CNTNAP5: variants seen among roughly 807,000 people sequenced by gnomAD.
The protein encoded by CNTNAP5 is contactin associated protein family member 5, also known as contactin-associated protein-like 5.
A neutral mutation model predicts 150.2 loss-of-function variants in CNTNAP5; 72 were observed. The ratio of observed to expected loss-of-function variants is 0.48; its 90% CI spans 0.40 to 0.58. CNTNAP5 has a LOEUF of 0.58. CNTNAP5 is among the 20% of genes least tolerant of loss of function. The probability of loss-of-function intolerance (pLI) is 0.00; values close to 1 mark genes in which losing one functional copy is unlikely to be tolerated. For missense variants in CNTNAP5, 1,636 were observed against 1,626.2 expected, an observed-to-expected ratio of 1.01 and a Z score of -0.10; for synonymous variants, 672 against 619.8, an observed-to-expected ratio of 1.08 and a Z score of -1.25.
chr2:124,433,054 C>A (rs985709073), intron 4 of CNTNAP5, among the ~76,000 whole-genome samples: 1 of 152,164 alleles, frequency 6.6e-6, no homozygotes, highest in Non-Finnish European at 1.5e-5. Flanking sequence ...ATACAATCAC[C>A]TTAGACCAAG....
chr2:124,160,540 G>A (rs1337529023), intron 1 of CNTNAP5, among the ~76,000 whole-genome samples: 1 of 148,354 alleles, frequency 6.7e-6, no homozygotes, highest in Non-Finnish European at 1.5e-5. Flanking sequence ...TTTTTTTAAA[G>A]TTAAGAGCAA....
At chr2:124,441,659 T>C (rs925317552) in intron 5 of CNTNAP5, among the ~76,000 whole-genome samples, 2 of 152,032 alleles carry the variant, frequency 1.3e-5, no homozygotes, top group Non-Finnish European at 2.9e-5. Context: ...ATACTTCATC[T>C]GGTGAGTCTA....
intron 12 of CNTNAP5, among the ~76,000 whole-genome samples, chr2:124,625,526 G>T (rs916743846): frequency 1.3e-5 from 2 of 152,146 alleles, no homozygotes; most frequent in African/African-American, 4.8e-5. Context: ...TGGACTTTGG[G>T]ATATATCTAT....
intron 3 of CNTNAP5, among the ~76,000 whole-genome samples, chr2:124,341,882 T>C (rs928496123): frequency 1.3e-5 from 2 of 152,126 alleles, no homozygotes; most frequent in African/African-American, 4.8e-5. Context: ...CTGACCAGTT[T>C]TGTCTTGTAG....
intron 1 of CNTNAP5, among the ~76,000 whole-genome samples, chr2:124,040,828 G>T (rs563000282): frequency 6.6e-6 from 1 of 152,096 alleles, no homozygotes; most frequent in Non-Finnish European, 1.5e-5. Context: ...TATATACTGA[G>T]AAATGTTCAA....
At chr2:124,199,799 C>T (rs554366486) in intron 1 of CNTNAP5, among the ~76,000 whole-genome samples, 2 of 152,230 alleles carry the variant, frequency 1.3e-5, no homozygotes, top group South Asian at 4.1e-4. Flanking sequence ...TATCTAAACA[C>T]AATTAATTTT....
At chr2:124,561,806 G>A (rs553869426) in intron 10 of CNTNAP5, among the ~76,000 whole-genome samples, 53 of 152,294 alleles carry the variant, frequency 3.5e-4, no homozygotes, top group African/African-American at 1.2e-3. Context: ...GGCAGTCAGA[G>A]TAAATCATCT....
At chr2:124,561,730 A>G (rs1299087525) in intron 10 of CNTNAP5, among the ~76,000 whole-genome samples, 1 of 152,210 alleles carries the variant, frequency 6.6e-6, no homozygotes, top group Non-Finnish European at 1.5e-5. Flanking sequence ...ATGTCTGAAC[A>G]TATGCAGGAA....
chr2:124,644,797 C>T (rs1310911786), intron 12 of CNTNAP5, among the ~76,000 whole-genome samples: 2 of 152,088 alleles, frequency 1.3e-5, no homozygotes, highest in African/African-American at 4.8e-5. Context: ...AAATAAAAGC[C>T]AACTCAGGGG....
chr2:124,350,285 A>G (rs958974590), intron 3 of CNTNAP5, among the ~76,000 whole-genome samples: 1 of 152,178 alleles, frequency 6.6e-6, no homozygotes, highest in Non-Finnish European at 1.5e-5. Context: ...TAAATTTGTT[A>G]GAAAGAGAGA....
intron 19 of CNTNAP5, among the ~76,000 whole-genome samples, chr2:124,801,883 G>T (rs1049562217): frequency 6.6e-6 from 1 of 152,136 alleles, no homozygotes; most frequent in Admixed American, 6.5e-5. Flanking sequence ...ATTAGAGGTT[G>T]CAAAAAGATC....
intron 10 of CNTNAP5, among the ~76,000 whole-genome samples, chr2:124,557,763 G>C (rs1165864137): frequency 6.6e-6 from 1 of 152,098 alleles, no homozygotes; most frequent in East Asian, 1.9e-4. Flanking sequence ...ACATGATGGT[G>C]GCAGGCCCCT....
chr2:124,381,488 T>C (rs1690794207), intron 3 of CNTNAP5, among the ~76,000 whole-genome samples: 1 of 151,990 alleles, frequency 6.6e-6, no homozygotes, highest in Non-Finnish European at 1.5e-5. Context: ...TGGGAAAGAC[T>C]GATGGGTGAT....
chr2:124,752,085 T>G (rs1317764875), intron 14 of CNTNAP5, among the ~76,000 whole-genome samples: 1 of 152,114 alleles, frequency 6.6e-6, no homozygotes, highest in East Asian at 1.9e-4. Context: ...AGCCAGTCAG[T>G]AAGGATGCTA....
At chr2:124,163,139 C>T (rs1684725910) in intron 1 of CNTNAP5, among the ~76,000 whole-genome samples, 1 of 152,050 alleles carries the variant, frequency 6.6e-6, no homozygotes, top group African/African-American at 2.4e-5. Flanking sequence ...TAATCTCATC[C>T]ATCCTTTCAT....
At chr2:124,508,540 T>G (rs1199014027) in intron 8 of CNTNAP5, among the ~76,000 whole-genome samples, 4 of 152,184 alleles carry the variant, frequency 2.6e-5, no homozygotes, top group Admixed American at 6.5e-5. Flanking sequence ...GTCTGTATTG[T>G]TAAGCGCACG....
intron 6 of CNTNAP5, among the ~76,000 whole-genome samples, chr2:124,463,874 C>T (rs986700901): frequency 2.0e-5 from 3 of 152,006 alleles, no homozygotes; most frequent in Non-Finnish European, 2.9e-5. Context: ...ATGTGGAATT[C>T]CAGCTCTTTA....
rs113042599 is a variant in CNTNAP5, at chr2:124,062,591, G to A, written c.82+36859G>A. Among the ~76,000 whole-genome samples, 1,030 of 152,154 alleles carry A rather than the reference G, an allele frequency of 6.8e-3. 18 individuals are homozygous for A. Among genetic ancestry groups the A allele is most frequent in the African/African-American group, 0.023 (960 of 41,520 alleles). ...CCTCCCCTACTCTAGTACCTATTAC[G>A]GGCTCCAGAGCATAGTAGATGCTCA... On this transcript the variant is annotated intron_variant, in intron 1 of 23. Transcript: ENST00000682447.
At chr2:124,356,594 C>G (rs376833534) in intron 3 of CNTNAP5, among the ~76,000 whole-genome samples, 2 of 151,704 alleles carry the variant, frequency 1.3e-5, no homozygotes, top group South Asian at 2.1e-4. Flanking sequence ...TACTGAGAAT[C>G]ATGATTTCCA....
Sources: allele counts gnomAD v4.1 joint callset (sites outside exome capture counted in the v4.1 genomes callset), GRCh38; gene constraint gnomAD v4.1.1; transcripts MANE v1.5; gene names NCBI Gene and HGNC (gene_info 2026-07-23, HGNC 2026-07-21).